TOP1: variants seen among roughly 807,000 people sequenced by gnomAD.
TOP1 encodes DNA topoisomerase I, also known as DNA topoisomerase 1.
Under a neutral mutation model 111.1 loss-of-function variants are expected in TOP1, and 10 were observed. The ratio of observed to expected loss-of-function variants is 0.09; its 90% CI spans 0.06 to 0.15. The LOEUF (loss-of-function observed/expected upper bound fraction) is 0.15, where lower values mean the gene tolerates loss of function less well. Ranked by LOEUF, TOP1 falls within the 10% of genes least tolerant of loss-of-function variation. The pLI, the probability that TOP1 is intolerant of heterozygous loss-of-function variation, is 1.00. For missense variants in TOP1, 474 were observed against 926.7 expected (o/e 0.51, Z 6.34); for synonymous variants, 271 against 302.9 (o/e 0.89, Z 1.10).
In TOP1 at chr20:41,094,371, G is replaced by GT. The variant is rs2033957673; in HGVS notation, c.730+1785dup. Among the ~76,000 whole-genome samples the GT allele has an allele frequency of 6.6e-6, 1 of 152,160 alleles. No homozygotes were observed. Among genetic ancestry groups the GT allele is most frequent in the Non-Finnish European group, 1.5e-5 (1 of 68,036 alleles). On this transcript the variant is annotated intron_variant, in intron 9 of 20. Coordinates refer to ENST00000361337, the MANE Select transcript of TOP1 (RefSeq NM_003286.4). This position sits in a 1 kb window ranked among gnomAD's most constrained non-coding sequence, Gnocchi z 4.4. The stretch of plus-strand genomic sequence containing the variant: ...TGAAGAGCACCATCTCAAAGCGTAG[G>GT]TATTCCGTAGGCCTGGTCTGGACTT...
In TOP1 at chr20:41,034,253, G is replaced by C. The variant is rs1018500868; in HGVS notation, c.58+4798G>C. Among the ~76,000 whole-genome samples the C allele has an allele frequency of 6.6e-6, 1 of 152,230 alleles. No individual in the cohort carries two copies. The highest frequency in any genetic ancestry group is 1.9e-4 in the East Asian group (1 of 5,196). ...AGCTTTCAGATTGTGTTTAAACTTCGAGTAGTAATATTTGGAACTGTCTTT... is the reference window on the plus strand; with the variant it reads ...AGCTTTCAGATTGTGTTTAAACTTCCAGTAGTAATATTTGGAACTGTCTTT... On this transcript the variant is annotated intron_variant, in intron 2 of 20. Coordinates refer to ENST00000361337, the MANE Select transcript of TOP1 (RefSeq NM_003286.4). The surrounding 1 kb of genome is among the most constrained non-coding windows in gnomAD (Gnocchi z 4.0).
Position 41,078,287 on chromosome 20 carries a change from G to A in TOP1, c.335+650G>A, listed in dbSNP as rs189222400. Among the ~76,000 whole-genome samples the A allele has an allele frequency of 1.2e-4, 18 of 152,192 alleles. No individual in the cohort carries two copies. The highest frequency in any genetic ancestry group is 4.3e-4 in the African/African-American group (18 of 41,512). ...CCTCAGCCTCAATTTCCTAAAATAA[G>A]CCCAGAGGTCCCCTCTAGTTTCGAA... On this transcript the variant is annotated intron_variant, in intron 5 of 20. Transcript: ENST00000361337. This position sits in a 1 kb window ranked among gnomAD's most constrained non-coding sequence, Gnocchi z 5.3.
chr20:41,116,386 A>G lies in TOP1; in HGVS notation c.1816A>G (p.Thr606Ala). The G allele has an allele frequency of 1.9e-6, 3 of 1,613,888 alleles. No individual in the cohort carries two copies. Among genetic ancestry groups the G allele is most frequent in the Non-Finnish European group, 2.5e-6 (3 of 1,179,798 alleles). The change falls in exon 17 of 21, where the codon ACA becomes GCA. Residue 606 changes from threonine (T) to alanine (A), a missense_variant. By Grantham distance (58) the Thr-to-Ala change is moderately conservative. Coordinates refer to ENST00000361337, the MANE Select transcript of TOP1 (RefSeq NM_003286.4). The surrounding 1 kb of genome is among the most constrained non-coding windows in gnomAD (Gnocchi z 5.6). ...GCTACAGCAGCAGCTAAAAGAACTGACAGCCCGTAAGTATTGCTTGGCCAG... is the reference window on the plus strand; with the variant it reads ...GCTACAGCAGCAGCTAAAAGAACTGGCAGCCCGTAAGTATTGCTTGGCCAG... ...ITLQQQLKELTAPDENIPAKI... is the reference protein window; with the variant it reads ...ITLQQQLKELAAPDENIPAKI...
At chr20:41,050,335 T>A (rs148612538) in intron 2 of TOP1, among the ~76,000 whole-genome samples, 1 of 152,330 alleles carries the variant, frequency 6.6e-6, no homozygotes, top group Non-Finnish European at 1.5e-5. Flanking sequence ...ATCAGTTTTT[T>A]AAGGGTTTCT....
Position 41,046,606 on chromosome 20 carries a change from AT to A in TOP1, c.59-14782del. On this transcript the variant is annotated intron_variant, in intron 2 of 20. Transcript: ENST00000361337. This position sits in a 1 kb window ranked among gnomAD's most constrained non-coding sequence, Gnocchi z 4.3. ...TGCAGCAAAGCCCCCTGGATAGTTT[AT>A]TTTTTAGCAGTTCAGCTTGTGCTTG... Among the ~76,000 whole-genome samples, 1 of 152,294 alleles carries A rather than the reference AT, an allele frequency of 6.6e-6. No individual in the cohort carries two copies. Among genetic ancestry groups the A allele is most frequent in the East Asian group, 1.9e-4 (1 of 5,196 alleles).
Position 41,112,741 on chromosome 20 carries a change from C to T in TOP1, c.1309-41C>T, listed in dbSNP as rs370684933. 1.2e-6 allele frequency: 2 copies of T among 1,609,150 alleles called. No individual in the cohort carries two copies. The highest frequency in any genetic ancestry group is 1.7e-5 in the Admixed American group (1 of 59,576). ...ATATTCAAAGTCTGTCTTTACTACA[C>T]TGTCCCAAAGTAATCTACATTTGGG... On this transcript the variant is annotated intron_variant, in intron 13 of 20. Coordinates refer to ENST00000361337, the MANE Select transcript of TOP1 (RefSeq NM_003286.4). This position sits in a 1 kb window ranked among gnomAD's most constrained non-coding sequence, Gnocchi z 5.8.
At chr20:41,037,679 A>T (rs758176218) in intron 2 of TOP1, among the ~76,000 whole-genome samples, 1 of 152,260 alleles carries the variant, frequency 6.6e-6, no homozygotes, top group Non-Finnish European at 1.5e-5. Context: ...GTAATGGCTC[A>T]TAAGTCTAGC....
rs550675305 is a variant in TOP1 at position 41,101,075 on chromosome 20, G to T, written c.1164-134G>T. On this transcript the variant is annotated intron_variant, in intron 12 of 20. Transcript: ENST00000361337. This position sits in a 1 kb window ranked among gnomAD's most constrained non-coding sequence, Gnocchi z 4.1. ...GAGGGTAAGTAAAACCATGCATAAG[G>T]TGGGACTACTGTATTGACTGTTAAG... 27 of 795,692 alleles carry T rather than the reference G, an allele frequency of 3.4e-5. No homozygotes were observed. In the East Asian group the frequency reaches 4.0e-4, roughly 12 times the overall value. The allele number at this position is 795,692 out of a possible 1,614,324, so 49.3% of individuals were successfully genotyped here. A position where few individuals can be genotyped will look rare whatever the true frequency, so the allele number is the denominator to read the frequency against.
At chr20:41,089,734 C>T (rs1355824260) in intron 8 of TOP1, among the ~76,000 whole-genome samples, 2 of 152,240 alleles carry the variant, frequency 1.3e-5, no homozygotes, top group Middle Eastern at 3.4e-3. Context: ...TCCACATTGG[C>T]TGCACCTTTT....
chr20:41,073,304 T>TA, intron 3 of TOP1: 16 of 983,820 alleles, frequency 1.6e-5, no homozygotes, highest in Non-Finnish European at 1.9e-5. Flanking sequence ...AGGTGGAACT[T>TA]AAAGGAAGAT....
In TOP1 at chr20:41,118,653, A is replaced by G. The variant is rs1475829252; in HGVS notation, c.1950+357A>G. Among the ~76,000 whole-genome samples, 1 of 152,288 alleles carries G rather than the reference A, an allele frequency of 6.6e-6. No homozygotes were observed. The highest frequency in any genetic ancestry group is 1.5e-5 in the Non-Finnish European group (1 of 68,050). On this transcript the variant is annotated intron_variant, in intron 18 of 20. Coordinates refer to ENST00000361337, the MANE Select transcript of TOP1 (RefSeq NM_003286.4). This position sits in a 1 kb window ranked among gnomAD's most constrained non-coding sequence, Gnocchi z 4.6. Reference sequence around the variant, plus strand: ...ATTCCTTGCTACAGCCCAGAAATACAGCCATTTCCAAATTAGATTGTTTCA... The same window carrying G: ...ATTCCTTGCTACAGCCCAGAAATACGGCCATTTCCAAATTAGATTGTTTCA...
In TOP1 at chr20:41,029,657, C is replaced by T; in HGVS notation, c.58+202C>T. The T allele has an allele frequency of 6.0e-6, 4 of 667,068 alleles. No homozygotes were observed. The highest frequency in any genetic ancestry group is 3.0e-5 in the East Asian group (1 of 33,442). 41.3% of individuals were successfully genotyped at this position (667,068 alleles called of 1,614,324 possible). A position where few individuals can be genotyped will look rare whatever the true frequency, so the allele number is the denominator to read the frequency against. ...CAGCTCCTCCAGATCCCGGCCCTCC[C>T]AAGAGGGGACAACGGAGACCCCGTG... On this transcript the variant is annotated intron_variant, in intron 2 of 20. Coordinates refer to ENST00000361337, the MANE Select transcript of TOP1 (RefSeq NM_003286.4). The surrounding 1 kb of genome is among the most constrained non-coding windows in gnomAD (Gnocchi z 6.1).
At chr20:41,108,878 A>C (rs1240077854) in intron 13 of TOP1, among the ~76,000 whole-genome samples, 1 of 152,234 alleles carries the variant, frequency 6.6e-6, no homozygotes, top group Non-Finnish European at 1.5e-5. Context: ...CAAGTTTGGA[A>C]GCATTACCTG....
intron 13 of TOP1, among the ~76,000 whole-genome samples, chr20:41,108,815 G>C (rs1399556972): frequency 1.3e-5 from 2 of 152,094 alleles, no homozygotes; most frequent in African/African-American, 4.8e-5. Context: ...CATAATCTAG[G>C]AGTTTACAAA....
chr20:41,072,780 A>T, intron 3 of TOP1: 1 of 985,440 alleles, frequency 1.0e-6, no homozygotes, highest in Non-Finnish European at 1.2e-6. Context: ...AGCTCTATAA[A>T]CCCAAATTTC....
intron 2 of TOP1, among the ~76,000 whole-genome samples, chr20:41,053,364 C>T (rs901655721): frequency 2.6e-5 from 4 of 152,078 alleles, no homozygotes; most frequent in South Asian, 2.1e-4. Flanking sequence ...TCATCTTGTT[C>T]GCTGGTGGAA....
intron 3 of TOP1, among the ~76,000 whole-genome samples, chr20:41,063,240 G>C (rs2033567165): frequency 6.6e-6 from 1 of 152,098 alleles, no homozygotes; most frequent in African/African-American, 2.4e-5. Flanking sequence ...GCCTCCAGTT[G>C]CATCCATGTT....
In TOP1 at chr20:41,031,234, T is replaced by G. The variant is rs1179858284; in HGVS notation, c.58+1779T>G. ...AGTTTAGAAAGCCACAGTATAGACA[T>G]GTTTCTTTGGGATACAGGAGCAAAG... On this transcript the variant is annotated intron_variant, in intron 2 of 20. Coordinates refer to ENST00000361337, the MANE Select transcript of TOP1 (RefSeq NM_003286.4). 2.6e-5 allele frequency among the ~76,000 whole-genome samples: 4 copies of G among 152,298 alleles called. No homozygotes were observed. The East Asian group carries it at 5.8e-4, about 22-fold the overall frequency.
At chr20:41,045,452 C>T (rs991004364) in intron 2 of TOP1, among the ~76,000 whole-genome samples, 5 of 152,184 alleles carry the variant, frequency 3.3e-5, no homozygotes, top group Admixed American at 6.5e-5. Flanking sequence ...GAAGTTCAGG[C>T]AGTTGTACGT....
Sources: allele counts gnomAD v4.1 joint callset (sites outside exome capture counted in the v4.1 genomes callset), GRCh38; gene constraint gnomAD v4.1.1; non-coding constraint Gnocchi (gnomAD v3.1); transcripts MANE v1.5; gene names NCBI Gene and HGNC (gene_info 2026-07-23, HGNC 2026-07-21).